ELOVL6: variants seen among roughly 807,000 people sequenced by gnomAD.
The protein encoded by ELOVL6 is very long chain fatty acid elongase 6.
Under a neutral mutation model 31.7 loss-of-function variants are expected in ELOVL6, and 8 were observed. The observed-to-expected ratio is 0.25, with a 90% confidence interval of 0.15 to 0.45. The LOEUF (loss-of-function observed/expected upper bound fraction) is 0.45. Ranked by LOEUF, ELOVL6 falls within the 20% of genes least tolerant of loss-of-function variation. The pLI is 1.00. For synonymous variants in ELOVL6, 101 were observed against 117.7 expected (o/e 0.86, Z 0.92); for missense variants, 126 against 326.4 (o/e 0.39, Z 4.73).
At chr4:110,053,455 G>A (rs975657580) in intron 3 of ELOVL6, among the ~76,000 whole-genome samples, 5 of 152,020 alleles carry the variant, frequency 3.3e-5, no homozygotes, top group Admixed American at 2.6e-4. Flanking sequence ...GAGAGCTATT[G>A]GTTTATTTTC....
intron 1 of ELOVL6, among the ~76,000 whole-genome samples, chr4:110,186,411 G>C (rs1259302629): frequency 6.6e-6 from 1 of 152,090 alleles, no homozygotes; most frequent in African/African-American, 2.4e-5. Context: ...CTGAGAAGCA[G>C]TGTGATAGTC....
At chr4:110,158,016 G>T (rs1252101596) in intron 1 of ELOVL6, among the ~76,000 whole-genome samples, 2 of 152,102 alleles carry the variant, frequency 1.3e-5, no homozygotes, top group East Asian at 3.9e-4. Flanking sequence ...TAAACACAAA[G>T]ATAAACCAAA....
intron 1 of ELOVL6, among the ~76,000 whole-genome samples, chr4:110,156,685 C>T (rs1758431399): frequency 6.6e-6 from 1 of 151,690 alleles, no homozygotes; most frequent in African/African-American, 2.4e-5. Flanking sequence ...GACCCTGCCT[C>T]AAAAAAACAG....
At chr4:110,056,126 G>GGT (rs200255494) in intron 3 of ELOVL6, among the ~76,000 whole-genome samples, 2 of 145,112 alleles carry the variant, frequency 1.4e-5, no homozygotes, top group Admixed American at 6.7e-5. Flanking sequence ...GGGAGCTGGG[G>GGT]GGGGGGATAC....
rs1235578252 is a variant in ELOVL6, at chr4:110,047,540, C to G, written c.*3798G>C. 6.6e-6 allele frequency: 1 copy of G among 152,154 alleles called. No individual in the cohort carries two copies. The highest frequency in any genetic ancestry group is 1.5e-5 in the Non-Finnish European group (1 of 68,030). 9.4% of individuals were successfully genotyped at this position (152,154 alleles called of 1,614,324 possible). A position where few individuals can be genotyped will look rare whatever the true frequency, so the allele number is the denominator to read the frequency against. ...CTCTAGCATCACTGTACTCCAGGAG[C>G]TTTGTTACTCTGATGTGACAGGCTT... On this transcript the variant is annotated 3_prime_UTR_variant, in exon 4 of 4. Coordinates refer to ENST00000302274, the MANE Select transcript of ELOVL6 (RefSeq NM_024090.3).
rs752414593 is a variant in ELOVL6, at chr4:110,051,766, G to C, written c.374-4C>G. ...AGAATAATGAATATTGTATCTCCTGGAAGACAAAGAGGAAGAAGGTACGTG... is the reference window on the plus strand; with the variant it reads ...AGAATAATGAATATTGTATCTCCTGCAAGACAAAGAGGAAGAAGGTACGTG... On this transcript the variant is annotated splice_polypyrimidine_tract_variant and splice_region_variant and intron_variant, in intron 3 of 3. Coordinates refer to ENST00000302274, the MANE Select transcript of ELOVL6 (RefSeq NM_024090.3). This position sits in a 1 kb window ranked among gnomAD's most constrained non-coding sequence, Gnocchi z 4.8. 6.2e-7 allele frequency: 1 copy of C among 1,609,446 alleles called. No homozygotes were observed. The highest frequency in any genetic ancestry group is 2.2e-5 in the East Asian group (1 of 44,776).
chr4:110,193,296 T>G (rs1182224221), intron 1 of ELOVL6, among the ~76,000 whole-genome samples: 1 of 152,226 alleles, frequency 6.6e-6, no homozygotes, highest in Non-Finnish European at 1.5e-5. Flanking sequence ...AAGATATAGA[T>G]GTACAACTCC....
chr4:110,185,701 C>T (rs536117527), intron 1 of ELOVL6, among the ~76,000 whole-genome samples: 1 of 152,252 alleles, frequency 6.6e-6, no homozygotes, highest in South Asian at 2.1e-4. Flanking sequence ...CAGCTAGAGT[C>T]ACAATTAGGA....
At chr4:110,094,784 T>C (rs1756531491) in intron 2 of ELOVL6, among the ~76,000 whole-genome samples, 1 of 152,026 alleles carries the variant, frequency 6.6e-6, no homozygotes, top group Admixed American at 6.6e-5. Context: ...CGGAATGCAA[T>C]GAAGACTGGA....
chr4:110,122,739 A>AT (rs1489787778), intron 1 of ELOVL6, among the ~76,000 whole-genome samples: 2 of 152,218 alleles, frequency 1.3e-5, no homozygotes, highest in African/African-American at 2.4e-5. Flanking sequence ...GAATCATGTC[A>AT]TAACTTTCCC....
upstream of ELOVL6, chr4:110,198,988 T>C (rs1759910119): frequency 6.6e-6 from 1 of 152,216 alleles, no homozygotes; most frequent in African/African-American, 2.4e-5. Context: ...AAATCTACGT[T>C]GAGATCACCA....
chr4:110,114,459 C>A (rs930341512), intron 1 of ELOVL6, among the ~76,000 whole-genome samples: 1 of 151,940 alleles, frequency 6.6e-6, no homozygotes, highest in Non-Finnish European at 1.5e-5. Flanking sequence ...CTTAGGAATT[C>A]CTGGCTAAAA....
chr4:110,099,805 GT>G (rs1756688599), intron 2 of ELOVL6, among the ~76,000 whole-genome samples: 2 of 152,132 alleles, frequency 1.3e-5, no homozygotes, highest in Non-Finnish European at 2.9e-5. Context: ...CAAATCAACT[GT>G]AGTAACCCAG....
chr4:110,090,449 A>G (rs955624221), intron 2 of ELOVL6, among the ~76,000 whole-genome samples: 4 of 152,138 alleles, frequency 2.6e-5, no homozygotes, highest in African/African-American at 4.8e-5. Flanking sequence ...AGCATTGTAT[A>G]TGTAAAGAAA....
intron 2 of ELOVL6, among the ~76,000 whole-genome samples, chr4:110,060,864 G>A (rs1755118038): frequency 2.0e-5 from 3 of 152,166 alleles, no homozygotes; most frequent in African/African-American, 7.2e-5. Flanking sequence ...CTCCTCAGAG[G>A]CACTGTTTTT....
chr4:110,082,882 C>CATATATCATATAT (rs1560812391), intron 2 of ELOVL6, among the ~76,000 whole-genome samples: 6 of 151,944 alleles, frequency 3.9e-5, no homozygotes, highest in African/African-American at 1.2e-4. Context: ...CAACAATTAT[C>CATATATCATATAT]CACAAACGCT....
chr4:110,148,820 T>A (rs1415463302), intron 1 of ELOVL6, among the ~76,000 whole-genome samples: 1 of 152,080 alleles, frequency 6.6e-6, no homozygotes, highest in South Asian at 2.1e-4. Flanking sequence ...AAATAACAGA[T>A]GTTGGTAAGG....
In ELOVL6 at chr4:110,198,463, G is replaced by C. The variant is rs1456615988; in HGVS notation, c.-128C>G. 29 of 590,500 alleles carry C rather than the reference G, an allele frequency of 4.9e-5. No homozygotes were observed. The highest frequency in any genetic ancestry group is 7.3e-5 in the Non-Finnish European group (25 of 340,254). 36.6% of individuals were successfully genotyped at this position (590,500 alleles called of 1,614,324 possible). A position where few individuals can be genotyped will look rare whatever the true frequency, so the allele number is the denominator to read the frequency against. On this transcript the variant is annotated 5_prime_UTR_variant, in exon 1 of 4. Transcript: ENST00000302274. ...CCCCTAGGTCTTCCCCACGCCGCTC[G>C]GTCTCCAGCGGTCGTCTCTTCTCCC...
chr4:110,084,327 A>T (rs1224446788), intron 2 of ELOVL6, among the ~76,000 whole-genome samples: 3 of 62,354 alleles, frequency 4.8e-5, no homozygotes, highest in South Asian at 7.2e-4. Context: ...TATAAATTTG[A>T]TATATATCAC....
Sources: gnomAD v4.1 joint callset for allele counts (sites outside exome capture counted in the v4.1 genomes callset) on GRCh38, gnomAD v4.1.1 for gene constraint, Gnocchi (gnomAD v3.1) non-coding constraint, MANE v1.5 for transcripts, NCBI Gene and HGNC (gene_info 2026-07-23, HGNC 2026-07-21) for gene names.